The following KCNN2 variants were observed in gnomAD, a reference collection of about 807,000 sequenced individuals.
KCNN2 encodes the protein small conductance calcium-activated potassium channel protein 2.
A neutral mutation model predicts 55.5 loss-of-function variants in KCNN2; 24 were observed. The observed-to-expected ratio is 0.43, with a 90% confidence interval of 0.31 to 0.61. The LOEUF is 0.61. KCNN2 is among the 20% of genes least tolerant of loss of function. KCNN2 has a pLI of 0.08. For missense variants in KCNN2, 754 were observed against 853.6 expected (o/e 0.88, Z 1.45); for synonymous variants, 431 against 336.1 (o/e 1.28, Z -3.09).
chr5:114,401,185 A>G (rs924314287), intron 2 of KCNN2, among the ~76,000 whole-genome samples: 2 of 152,122 alleles, frequency 1.3e-5, no homozygotes, highest in Non-Finnish European at 2.9e-5. Flanking sequence ...CCTCAATTTC[A>G]GCATTAAAAT....
intron 6 of KCNN2, among the ~76,000 whole-genome samples, chr5:114,489,411 C>T (rs150961224): frequency 3.4e-4 from 51 of 152,172 alleles, no homozygotes; most frequent in African/African-American, 1.0e-3. Flanking sequence ...GTCGCTTGCA[C>T]GGGGTCTCTT....
At chr5:114,302,380 G>C (rs1191622479) in intron 2 of KCNN2, among the ~76,000 whole-genome samples, 3 of 151,998 alleles carry the variant, frequency 2.0e-5, no homozygotes, top group Admixed American at 2.0e-4. Flanking sequence ...TCAAGGTATT[G>C]TATTAGATAG....
intron 2 of KCNN2, among the ~76,000 whole-genome samples, chr5:114,238,226 T>TTC (rs1754545419): frequency 6.6e-6 from 1 of 152,220 alleles, no homozygotes; most frequent in Non-Finnish European, 1.5e-5. Context: ...GTTACTCTTT[T>TTC]CAAAAGATTT....
chr5:114,364,704 A>G (rs960489460), intron 2 of KCNN2, among the ~76,000 whole-genome samples: 2 of 151,314 alleles, frequency 1.3e-5, no homozygotes, highest in African/African-American at 4.9e-5. Context: ...AGAATGCTCT[A>G]TAAAACTTAC....
At position 114,362,444 on chromosome 5, in the gene KCNN2, G is replaced by C; in HGVS notation, c.305G>C (p.Arg102Pro). The C allele has an allele frequency of 2.7e-6, 1 of 376,728 alleles. No individual in the cohort carries two copies. The highest frequency in any genetic ancestry group is 5.5e-5 in the South Asian group (1 of 18,316). The allele number at this position is 376,728 out of a possible 1,614,324, so 23.3% of individuals were successfully genotyped here. A position where few individuals can be genotyped will look rare whatever the true frequency, so the allele number is the denominator to read the frequency against. ...TSSPGGAFRT[R>P]TSSPLSGSSC... ...TCGCCCGGCGGCGCCTTCCGGACCC[G>C]CACCTCCTCGCCGCTGTCGGGCTCG... Residue 102 changes from arginine (R) to proline (P), a missense_variant, in exon 1 of 8, where the codon CGC becomes CCC. Around this residue, in one of 4 missense-constraint regions of KCNN2, gnomAD observed 381 missense variants for 259.1 expected, o/e 1.47. Transcript: ENST00000673685.
chr5:114,092,397 C>T (rs1311620290), intron 1 of KCNN2, among the ~76,000 whole-genome samples: 1 of 152,212 alleles, frequency 6.6e-6, no homozygotes, highest in Non-Finnish European at 1.5e-5. Context: ...CCACTCCCAG[C>T]TGCTTTCACG....
chr5:114,148,177 C>T (rs1352156845), intron 1 of KCNN2, among the ~76,000 whole-genome samples: 1 of 151,890 alleles, frequency 6.6e-6, no homozygotes, highest in African/African-American at 2.4e-5. Flanking sequence ...TCTGACTTGT[C>T]TAAAGGAATA....
At position 114,492,525 on chromosome 5, in the gene KCNN2, T is replaced by TAA. The variant is rs533085610; in HGVS notation, c.2019-876_2019-875dup. ...TTGGAAAATCTTTCTTGGTACATAG[T>TAA]AAACACTGAATAAATATTTGTTGAA... On this transcript the variant is annotated intron_variant, in intron 6 of 7. Coordinates refer to ENST00000673685, the MANE Select transcript of KCNN2 (RefSeq NM_021614.4). Among the ~76,000 whole-genome samples, 411 of 152,310 alleles carry TAA rather than the reference T, an allele frequency of 2.7e-3. 3 individuals are homozygous for TAA. The highest frequency in any genetic ancestry group is 9.4e-3 in the African/African-American group (391 of 41,588).
intron 1 of KCNN2, among the ~76,000 whole-genome samples, chr5:114,101,267 T>C (rs1380764748): frequency 6.6e-6 from 1 of 151,890 alleles, no homozygotes; most frequent in Non-Finnish European, 1.5e-5. Context: ...TCAATAGTCA[T>C]CCATCCCATA....
intron 1 of KCNN2, among the ~76,000 whole-genome samples, chr5:114,093,785 A>G (rs896963127): frequency 2.6e-5 from 4 of 152,156 alleles, no homozygotes; most frequent in Admixed American, 1.3e-4. Context: ...AACCACCCCC[A>G]TGATCCAATT....
At chr5:114,106,958 T>A (rs1386272880) in intron 1 of KCNN2, among the ~76,000 whole-genome samples, 1 of 152,052 alleles carries the variant, frequency 6.6e-6, no homozygotes, top group Non-Finnish European at 1.5e-5. Flanking sequence ...AGTTACAAGG[T>A]CATGAAGATA....
intron 3 of KCNN2, among the ~76,000 whole-genome samples, chr5:114,406,085 AT>A (rs1758924115): frequency 6.7e-6 from 1 of 148,254 alleles, no homozygotes; most frequent in Non-Finnish European, 1.5e-5. Context: ...AAAAACAGCT[AT>A]ATGAGAGTTG....
intron 1 of KCNN2, among the ~76,000 whole-genome samples, chr5:114,147,601 C>G (rs1045241764): frequency 1.4e-4 from 21 of 152,134 alleles, no homozygotes; most frequent in Admixed American, 1.4e-3. Flanking sequence ...CTCTTTCACT[C>G]ATTGTTCTAC....
chr5:114,088,231 G>A (rs1232153838), intron 1 of KCNN2, among the ~76,000 whole-genome samples: 1 of 152,126 alleles, frequency 6.6e-6, no homozygotes, highest in African/African-American at 2.4e-5. Flanking sequence ...CTGAAATGAT[G>A]TAGGGCTGTG....
chr5:114,241,824 G>GTATATA (rs70976327), intron 2 of KCNN2, among the ~76,000 whole-genome samples: 571 of 31,944 alleles, frequency 0.018, 149 homozygotes, highest in Middle Eastern at 0.08. Context: ...ATATATGTGT[G>GTATATA]TATATATATA....
chr5:114,365,506 G>A (rs780149942), intron 2 of KCNN2, among the ~76,000 whole-genome samples: 2 of 152,118 alleles, frequency 1.3e-5, no homozygotes, highest in Non-Finnish European at 2.9e-5. Context: ...TAGGTTTAAT[G>A]GTCCTTTGAC....
intron 2 of KCNN2, among the ~76,000 whole-genome samples, chr5:114,237,274 A>ACACACACACACAAACACACT (rs1561535101): frequency 6.6e-6 from 1 of 151,160 alleles, no homozygotes; most frequent in Non-Finnish European, 1.5e-5. Context: ...ACACACACAC[A>ACACACACACACAAACACACT]CACACACACA....
At chr5:114,373,956 ATT>A (rs1445642944) in intron 2 of KCNN2, among the ~76,000 whole-genome samples, 1 of 151,880 alleles carries the variant, frequency 6.6e-6, no homozygotes, top group Non-Finnish European at 1.5e-5. Context: ...AAGGACAGCC[ATT>A]TGTTTTTTTA....
At chr5:114,491,333 A>G (rs1747841605) in intron 6 of KCNN2, among the ~76,000 whole-genome samples, 1 of 152,176 alleles carries the variant, frequency 6.6e-6, no homozygotes, top group African/African-American at 2.4e-5. Context: ...AAATTTGAAC[A>G]TGAAACTTTA....
Sources: allele counts gnomAD v4.1 joint callset (sites outside exome capture counted in the v4.1 genomes callset), GRCh38; gene constraint gnomAD v4.1.1; regional missense constraint gnomAD v4.1.1; transcripts MANE v1.5; gene names NCBI Gene and HGNC (gene_info 2026-07-23, HGNC 2026-07-21).